PLEKHA2: variants seen among roughly 807,000 people sequenced by gnomAD.
PLEKHA2 encodes pleckstrin homology domain containing A2.
Under a neutral mutation model 53.2 loss-of-function variants are expected in PLEKHA2, and 28 were observed. That is an observed-to-expected ratio of 0.53 (90% CI 0.39 to 0.72). PLEKHA2 has a LOEUF of 0.72. PLEKHA2 is among the 30% of genes least tolerant of loss of function. PLEKHA2 has a pLI of 0.00. For missense variants in PLEKHA2, 426 were observed against 537.9 expected (o/e 0.79, Z 2.06); for synonymous variants, 193 against 196.4 (o/e 0.98, Z 0.14).
At position 38,973,291 on chromosome 8, in the gene PLEKHA2, C is replaced by T. The variant is rs551092462; in HGVS notation, c.*3508C>T. 6.6e-6 allele frequency: 1 copy of T among 152,054 alleles called. No individual in the cohort carries two copies. Among genetic ancestry groups the T allele is most frequent in the Admixed American group, 6.6e-5 (1 of 15,260 alleles). 9.4% of individuals were successfully genotyped at this position (152,054 alleles called of 1,614,324 possible). Reference sequence around the variant, plus strand: ...CTATTTCTGAGTTGAATACTCAGCTCCCACGAGAAAGAAAGTAGTTTTAAG... The same window carrying T: ...CTATTTCTGAGTTGAATACTCAGCTTCCACGAGAAAGAAAGTAGTTTTAAG... On this transcript the variant is annotated 3_prime_UTR_variant, in exon 12 of 12. Transcript: ENST00000617275.
intron 5 of PLEKHA2, among the ~76,000 whole-genome samples, chr8:38,949,502 C>T (rs1834785788): frequency 6.6e-6 from 1 of 152,186 alleles, no homozygotes; most frequent in Non-Finnish European, 1.5e-5. Context: ...AAAAATACTG[C>T]ATGTGACTAA....
chr8:38,965,586 A>G (rs1453401926), intron 10 of PLEKHA2, among the ~76,000 whole-genome samples: 1 of 152,208 alleles, frequency 6.6e-6, no homozygotes. Context: ...CTAATGGATG[A>G]TGACCTCCAT....
chr8:38,927,329 C>T (rs1433771306), intron 2 of PLEKHA2, among the ~76,000 whole-genome samples: 1 of 151,996 alleles, frequency 6.6e-6, no homozygotes, highest in African/African-American at 2.4e-5. Context: ...GACCCCATCT[C>T]TACAAAAAAT....
intron 3 of PLEKHA2, among the ~76,000 whole-genome samples, chr8:38,942,014 A>G (rs1307521670): frequency 3.9e-5 from 6 of 152,256 alleles, no homozygotes; most frequent in African/African-American, 1.2e-4. Flanking sequence ...TGAGTCAGTC[A>G]TTGTTAGACC....
At chr8:38,945,325 C>T (rs1052156793) in intron 4 of PLEKHA2, among the ~76,000 whole-genome samples, 3 of 152,114 alleles carry the variant, frequency 2.0e-5, no homozygotes, top group Admixed American at 6.5e-5. Context: ...AGTAGGTGCT[C>T]AGTAAATATT....
chr8:38,949,366 G>C (rs987068535), intron 5 of PLEKHA2, among the ~76,000 whole-genome samples: 1 of 152,144 alleles, frequency 6.6e-6, no homozygotes, highest in Admixed American at 6.6e-5. Context: ...GGCCTCTCCC[G>C]TTCTGCTGGG....
chr8:38,914,983 G>T (rs1834010691), intron 1 of PLEKHA2, among the ~76,000 whole-genome samples: 1 of 151,940 alleles, frequency 6.6e-6, no homozygotes, highest in Non-Finnish European at 1.5e-5. Context: ...GTCTCACTCT[G>T]TCGTCCAGGC....
At chr8:38,941,621 A>G (rs1564133857) in intron 3 of PLEKHA2, among the ~76,000 whole-genome samples, 1 of 152,172 alleles carries the variant, frequency 6.6e-6, no homozygotes, top group African/African-American at 2.4e-5. Flanking sequence ...CCGTAGTTCC[A>G]GGTGGGACAC....
chr8:38,958,325 A>AG (rs1834978566), intron 10 of PLEKHA2, among the ~76,000 whole-genome samples: 1 of 151,712 alleles, frequency 6.6e-6, no homozygotes, highest in South Asian at 2.1e-4. Context: ...TTTGTCTCAA[A>AG]AAAAAGGGAA....
chr8:38,934,694 T>G lies in PLEKHA2; in HGVS notation c.142-1300T>G, dbSNP rs189504074. Among the ~76,000 whole-genome samples, 733 of 152,310 alleles carry G rather than the reference T, an allele frequency of 4.8e-3. 6 individuals are homozygous for G. Among genetic ancestry groups the G allele is most frequent in the African/African-American group, 0.017 (694 of 41,558 alleles). On this transcript the variant is annotated intron_variant, in intron 2 of 11. Coordinates refer to ENST00000617275, the MANE Select transcript of PLEKHA2 (RefSeq NM_021623.2). ...GATGGTGTGCCAGGGTAGAGCACAG[T>G]GCCAGACCTGGTGCCTGTGAGTCTC...
intron 2 of PLEKHA2, among the ~76,000 whole-genome samples, chr8:38,925,025 T>G (rs1262171842): frequency 6.6e-6 from 1 of 152,198 alleles, no homozygotes; most frequent in Non-Finnish European, 1.5e-5. Context: ...TTTTTTTAAA[T>G]TATAGTAAGG....
At chr8:38,907,131 A>G (rs1310446753) in intron 1 of PLEKHA2, among the ~76,000 whole-genome samples, 2 of 152,224 alleles carry the variant, frequency 1.3e-5, no homozygotes, top group African/African-American at 2.4e-5. Flanking sequence ...CTCCTTGTCA[A>G]AAAGCACCTT....
intron 5 of PLEKHA2, among the ~76,000 whole-genome samples, chr8:38,950,225 G>A (rs943765599): frequency 1.3e-5 from 2 of 151,962 alleles, no homozygotes; most frequent in Non-Finnish European, 2.9e-5. Flanking sequence ...GTAGAGATGG[G>A]ATCTCACTAT....
intron 11 of PLEKHA2, 124 bp downstream of exon 11, chr8:38,968,793 G>C: frequency 1.1e-6 from 1 of 889,692 alleles, no homozygotes; most frequent in Non-Finnish European, 1.7e-6. Context: ...GCCCCAGGCT[G>C]TCTTGCTTGT....
intron 3 of PLEKHA2, among the ~76,000 whole-genome samples, chr8:38,942,228 C>T (rs988386002): frequency 6.6e-6 from 1 of 151,882 alleles, no homozygotes; most frequent in African/African-American, 2.4e-5. Flanking sequence ...ATAGCGAGAC[C>T]CCATCTCTAA....
At chr8:38,932,431 G>T (rs1304411711) in intron 2 of PLEKHA2, among the ~76,000 whole-genome samples, 3 of 152,224 alleles carry the variant, frequency 2.0e-5, no homozygotes, top group African/African-American at 7.2e-5. Flanking sequence ...AGGGAAGAGA[G>T]TCCTGAGTTT....
rs187608094 is a variant in PLEKHA2 at position 38,941,218 on chromosome 8, G to C, written c.199-2571G>C. Among the ~76,000 whole-genome samples, 350 of 152,076 alleles carry C rather than the reference G, an allele frequency of 2.3e-3. 2 individuals are homozygous for C. The highest frequency in any genetic ancestry group is 8.1e-3 in the African/African-American group (337 of 41,488). The stretch of plus-strand genomic sequence containing the variant: ...ATTACAGGCATGTGCCACCACACCC[G>C]GCTAATTTTGTATTTTTAGTAGAGA... On this transcript the variant is annotated intron_variant, in intron 3 of 11. Transcript: ENST00000617275.
At chr8:38,926,481 C>G (rs2129417218) in intron 2 of PLEKHA2, among the ~76,000 whole-genome samples, 1 of 150,058 alleles carries the variant, frequency 6.7e-6, no homozygotes, top group Non-Finnish European at 1.5e-5. Context: ...TGGGCCTGGT[C>G]AAAACATGCT....
chr8:38,940,909 A>T (rs182977966), intron 3 of PLEKHA2, among the ~76,000 whole-genome samples: 56 of 147,460 alleles, frequency 3.8e-4, no homozygotes, highest in African/African-American at 1.3e-3. Context: ...TATATATATA[A>T]AATATTTGAA....
Sources: allele counts gnomAD v4.1 joint callset (sites outside exome capture counted in the v4.1 genomes callset), GRCh38; gene constraint gnomAD v4.1.1; transcripts MANE v1.5; gene names NCBI Gene and HGNC (gene_info 2026-07-23, HGNC 2026-07-21).